SDHA: variants seen among roughly 807,000 people sequenced by gnomAD.
SDHA encodes the protein succinate dehydrogenase complex flavoprotein subunit A.
SDHA carries 48 observed loss-of-function variants against 78.4 expected under a neutral mutation model. The observed-to-expected ratio is 0.61, with a 90% confidence interval of 0.49 to 0.78. SDHA has a LOEUF of 0.78. Ranked by LOEUF, SDHA falls within the 30% of genes least tolerant of loss-of-function variation. SDHA has a pLI of 0.00. For missense variants in SDHA, 680 were observed against 892.7 expected, an observed-to-expected ratio of 0.76 and a Z score of 3.04; for synonymous variants, 326 against 353.9, an observed-to-expected ratio of 0.92 and a Z score of 0.88.
intron 8 of SDHA, chr5:234,435 A>AC (rs200900124): frequency 0.12 from 13,867 of 116,836 alleles, 2,741 homozygotes; most frequent in African/African-American, 0.41. Flanking sequence ...AAAAAAAAAA[A>AC]AAAAAAAAAC....
chr5:228,694 G>A (rs999974460), intron 6 of SDHA, among the ~76,000 whole-genome samples: 1 of 152,118 alleles, frequency 6.6e-6, no homozygotes, highest in Non-Finnish European at 1.5e-5. Context: ...CTGATTCCTC[G>A]GGTGGGTAAG....
At position 254,447 on chromosome 5, in the gene SDHA, C is replaced by T. The variant is rs1199988395; in HGVS notation, c.1849C>T (p.Pro617Ser). ...SKPIQGQQKK[P>S]FEEHWRKHTL... The stretch of plus-strand genomic sequence containing the variant: ...GCCCATCCAGGGGCAACAGAAGAAG[C>T]CCTTTGAGGAGCACTGGAGGAAGCA... The change falls in exon 14 of 15, where the codon CCC becomes TCC. Residue 617 changes from proline to serine, a missense_variant. By Grantham distance (74) the Pro-to-Ser change is moderately conservative (BLOSUM62 -1). Transcript: ENST00000264932. The T allele has an allele frequency of 2.5e-6, 4 of 1,599,226 alleles. No individual in the cohort carries two copies. The highest frequency in any genetic ancestry group is 2.6e-6 in the Non-Finnish European group (3 of 1,173,156).
chr5:242,108 G>A (rs1249153041), intron 11 of SDHA, among the ~76,000 whole-genome samples: 3 of 152,168 alleles, frequency 2.0e-5, no homozygotes, highest in Non-Finnish European at 2.9e-5. Flanking sequence ...TCCTCTGCTC[G>A]TGGAAATGCG....
In SDHA at chr5:256,823, C is replaced by CTT. The variant is rs758468864; in HGVS notation, c.*406_*407dup. 5,505 of 225,486 alleles carry CTT rather than the reference C, an allele frequency of 0.024. 192 individuals are homozygous for CTT. Among genetic ancestry groups the CTT allele is most frequent in the African/African-American group, 0.078 (2,934 of 37,818 alleles). 14.0% of individuals were successfully genotyped at this position (225,486 alleles called of 1,614,324 possible). ...TTTGTATAGTTTCTTTTTTCTTTTT[C>CTT]TTTTCTTTTTTTTTTTTGAGACAGG... On this transcript the variant is annotated 3_prime_UTR_variant, in exon 15 of 15. Coordinates refer to ENST00000264932, the MANE Select transcript of SDHA (RefSeq NM_004168.4).
intron 11 of SDHA, chr5:249,284 G>T: frequency 4.1e-6 from 1 of 244,592 alleles, no homozygotes. Context: ...TAACAAAGCT[G>T]CCTTTGCTTT....
intron 1 of SDHA, among the ~76,000 whole-genome samples, chr5:219,266 G>T (rs1734576195): frequency 7.0e-6 from 1 of 141,968 alleles, no homozygotes; most frequent in Non-Finnish European, 1.5e-5. Flanking sequence ...ACTTCCCTGA[G>T]CCCTTGCTCT....
intron 11 of SDHA, chr5:249,144 G>A: frequency 2.5e-6 from 1 of 407,648 alleles, no homozygotes; most frequent in South Asian, 1.8e-5. Context: ...CAGATTAGCA[G>A]CTGGTAATCC....
chr5:235,389 G>A (rs774478998), intron 9 of SDHA, 50 bp downstream of exon 9: 16 of 1,552,258 alleles, frequency 1.0e-5, no homozygotes, highest in South Asian at 4.5e-5. Context: ...CTGGGACGAC[G>A]GGGCCCACCT....
At chr5:234,236 G>C (rs183246991) in intron 8 of SDHA, 1 of 158,302 alleles carries the variant, frequency 6.3e-6, no homozygotes, top group African/African-American at 2.4e-5. Flanking sequence ...TGGCTAACAC[G>C]GTGAAACCCC....
intron 1 of SDHA, among the ~76,000 whole-genome samples, chr5:222,135 A>G (rs1369317642): frequency 6.6e-6 from 1 of 152,184 alleles, no homozygotes; most frequent in African/African-American, 2.4e-5. Context: ...AGGTAGAAGA[A>G]TATTTGTTCT....
intron 11 of SDHA, 125 bp from the exon 12 acceptor site, chr5:250,867 A>C: frequency 1.2e-6 from 1 of 837,284 alleles, no homozygotes; most frequent in Middle Eastern, 3.5e-4. Context: ...TGAATTTCCT[A>C]ATTTTTCTGT....
downstream of SDHA, among the ~76,000 whole-genome samples, chr5:257,596 C>T (rs1280377977): frequency 6.4e-5 from 7 of 109,350 alleles, no homozygotes; most frequent in Admixed American, 1.8e-4. Flanking sequence ...AGAGCATTAC[C>T]TTGTGAGCTC....
chr5:262,275 C>A, the SDHA span, among the ~76,000 whole-genome samples: 1 of 120,230 alleles, frequency 8.3e-6, no homozygotes, highest in African/African-American at 4.2e-5. Context: ...ACCGTGTGAG[C>A]TCCGCCTCCC....
At chr5:236,665 T>C in intron 10 of SDHA, 66 bp downstream of exon 10, 9 of 1,546,620 alleles carry the variant, frequency 5.8e-6, no homozygotes, top group Non-Finnish European at 8.0e-6. Flanking sequence ...TCTTTTTTCT[T>C]TTTTTTGAGA....
chr5:258,181 G>T (rs1737327047), downstream of SDHA, among the ~76,000 whole-genome samples: 1 of 121,842 alleles, frequency 8.2e-6, no homozygotes, highest in Non-Finnish European at 1.6e-5. Flanking sequence ...CCCTGCCAGA[G>T]CATTACTGGG....
At chr5:262,327 TTACCGTGTGAGCTCCGCCTCCCGGCAGAG>T in the SDHA span, among the ~76,000 whole-genome samples, 22 of 113,382 alleles carry the variant, frequency 1.9e-4, 2 homozygotes, top group Middle Eastern at 4.2e-3. Flanking sequence ...CGTCAGAGCA[TTACCGTGTGAGCTCCGCCTCCCGGCAGAG>T]CATTACCGTG....
At chr5:239,685 T>C (rs1299782473) in intron 10 of SDHA, among the ~76,000 whole-genome samples, 2 of 152,288 alleles carry the variant, frequency 1.3e-5, no homozygotes, top group Admixed American at 6.5e-5. Context: ...GCCGGCCCCT[T>C]GGGACCACCA....
intron 11 of SDHA, among the ~76,000 whole-genome samples, chr5:241,579 C>T (rs1295400760): frequency 1.3e-5 from 2 of 152,184 alleles, no homozygotes; most frequent in African/African-American, 4.8e-5. Flanking sequence ...CCGTGGAGAA[C>T]CTGATACATG....
At chr5:242,648 C>T (rs566231175) in intron 11 of SDHA, among the ~76,000 whole-genome samples, 7 of 152,238 alleles carry the variant, frequency 4.6e-5, no homozygotes, top group East Asian at 3.9e-4. Flanking sequence ...GAGCTGGTCT[C>T]GGCAAATGGC....
Sources: gnomAD v4.1 joint callset for allele counts (sites outside exome capture counted in the v4.1 genomes callset) on GRCh38, gnomAD v4.1.1 for gene constraint, MANE v1.5 for transcripts, NCBI Gene and HGNC (gene_info 2026-07-23, HGNC 2026-07-21) for gene names.